The following SLC27A2 variants were observed in gnomAD, a reference collection of about 807,000 sequenced individuals.
SLC27A2 encodes the protein long-chain fatty acid transport protein 2.
SLC27A2 carries 54 observed loss-of-function variants against 60.0 expected under a neutral mutation model. That is an observed-to-expected ratio of 0.90 (90% CI 0.72 to 1.13). SLC27A2 has a LOEUF of 1.13. SLC27A2 is among the 50% of genes most tolerant of loss of function. The pLI is 0.00. For missense variants in SLC27A2, 739 were observed against 777.6 expected (o/e 0.95, Z 0.59); for synonymous variants, 297 against 297.6 (o/e 1.00, Z 0.02).
chr15:50,219,360 A>G (rs570418466), intron 4 of SLC27A2, among the ~76,000 whole-genome samples: 401 of 152,308 alleles, frequency 2.6e-3, no homozygotes, highest in Non-Finnish European at 4.9e-3. Context: ...TGTTCACTTA[A>G]GGGTCTTTCA....
intron 6 of SLC27A2, among the ~76,000 whole-genome samples, chr15:50,226,483 A>T (rs1209904445): frequency 6.6e-6 from 1 of 152,166 alleles, no homozygotes; most frequent in African/African-American, 2.4e-5. Flanking sequence ...TGTAATCCCA[A>T]CACTTTGGGA....
chr15:50,222,588 T>C (rs960853523), intron 4 of SLC27A2, among the ~76,000 whole-genome samples: 1 of 152,192 alleles, frequency 6.6e-6, no homozygotes, highest in Non-Finnish European at 1.5e-5. Flanking sequence ...ACCAGCCCCA[T>C]CAAGAAAACT....
intron 8 of SLC27A2, among the ~76,000 whole-genome samples, chr15:50,231,536 T>A (rs2045317050): frequency 6.6e-6 from 1 of 152,088 alleles, no homozygotes; most frequent in Admixed American, 6.5e-5. Context: ...CACACTGAAG[T>A]CTGAGAAGCA....
chr15:50,228,589 A>T (rs1326700206), intron 7 of SLC27A2, among the ~76,000 whole-genome samples: 1 of 152,056 alleles, frequency 6.6e-6, no homozygotes, highest in Non-Finnish European at 1.5e-5. Context: ...GTAGCAACTG[A>T]GTTAGTAAAT....
At chr15:50,219,523 TAA>T (rs11342659) in intron 4 of SLC27A2, among the ~76,000 whole-genome samples, 3 of 149,808 alleles carry the variant, frequency 2.0e-5, no homozygotes, top group South Asian at 2.1e-4. Context: ...TGCAGGGCTT[TAA>T]AAAAAAAATA....
intron 4 of SLC27A2, among the ~76,000 whole-genome samples, chr15:50,212,070 CAA>C (rs1171050015): frequency 8.2e-5 from 4 of 48,530 alleles, no homozygotes; most frequent in Non-Finnish European, 1.6e-4. Flanking sequence ...GACTCTGTCT[CAA>C]AAAAAAAAAA....
At chr15:50,207,555 A>T (rs1266821516) in intron 4 of SLC27A2, among the ~76,000 whole-genome samples, 2 of 152,018 alleles carry the variant, frequency 1.3e-5, no homozygotes, top group East Asian at 1.9e-4. Flanking sequence ...TTTGGGAGGT[A>T]GAGGCGGGCA....
At chr15:50,193,004 C>T (rs1466951105) in intron 1 of SLC27A2, among the ~76,000 whole-genome samples, 1 of 152,138 alleles carries the variant, frequency 6.6e-6, no homozygotes, top group Non-Finnish European at 1.5e-5. Context: ...CATCATCTAA[C>T]AGCTGGTCTC....
chr15:50,186,941 G>A (rs1161405548), intron 1 of SLC27A2, among the ~76,000 whole-genome samples: 1 of 152,182 alleles, frequency 6.6e-6, no homozygotes, highest in Non-Finnish European at 1.5e-5. Flanking sequence ...TTTCAGCCCA[G>A]GGCTTGTGGA....
chr15:50,222,266 G>A (rs2045248483), intron 4 of SLC27A2, among the ~76,000 whole-genome samples: 1 of 152,142 alleles, frequency 6.6e-6, no homozygotes, highest in Non-Finnish European at 1.5e-5. Context: ...CCATCCCACT[G>A]GGACAGTTTT....
At chr15:50,192,799 AAAG>A (rs1555500298) in intron 1 of SLC27A2, among the ~76,000 whole-genome samples, 3 of 151,488 alleles carry the variant, frequency 2.0e-5, no homozygotes, top group African/African-American at 7.3e-5. Context: ...AAAAAAAAAA[AAAG>A]AAGAAGAAGT....
At position 50,229,055 on chromosome 15, in the gene SLC27A2, T is replaced by C. The variant is rs1355476049; in HGVS notation, c.1555+13T>C. On this transcript the variant is annotated intron_variant, in intron 8 of 9. Coordinates refer to ENST00000267842, the MANE Select transcript of SLC27A2 (RefSeq NM_003645.4). Reference sequence around the variant, plus strand: ...GTGCATGTGCCAGGTATATACAAGATATGATCTGTACCTAACCCATAGAGT... The same window carrying C: ...GTGCATGTGCCAGGTATATACAAGACATGATCTGTACCTAACCCATAGAGT... 2.0e-6 allele frequency: 3 copies of C among 1,492,640 alleles called. No individual in the cohort carries two copies. The highest frequency in any genetic ancestry group is 2.7e-6 in the Non-Finnish European group (3 of 1,102,968). The allele number at this position is 1,492,640 out of a possible 1,614,324, so 92.5% of individuals were successfully genotyped here. A position where few individuals can be genotyped will look rare whatever the true frequency, so the allele number is the denominator to read the frequency against.
intron 1 of SLC27A2, 127 bp from the exon 2 acceptor site, chr15:50,197,373 A>G: frequency 1.6e-6 from 1 of 620,088 alleles, no homozygotes; most frequent in Non-Finnish European, 2.8e-6. Flanking sequence ...GATAAGCATC[A>G]TTTGTCATGC....
At chr15:50,192,016 C>T (rs752791857) in intron 1 of SLC27A2, among the ~76,000 whole-genome samples, 5 of 150,122 alleles carry the variant, frequency 3.3e-5, no homozygotes, top group African/African-American at 4.9e-5. Flanking sequence ...GTTGAGATCA[C>T]GCCATTGCAC....
intron 1 of SLC27A2, among the ~76,000 whole-genome samples, chr15:50,190,551 C>T (rs1043057465): frequency 6.6e-6 from 1 of 151,846 alleles, no homozygotes; most frequent in Non-Finnish European, 1.5e-5. Flanking sequence ...TTCAGCTCAC[C>T]ACCTACCCAA....
At chr15:50,188,982 A>ATAGATAG (rs2044949466) in intron 1 of SLC27A2, among the ~76,000 whole-genome samples, 1 of 135,422 alleles carries the variant, frequency 7.4e-6, no homozygotes, top group Non-Finnish European at 1.6e-5. Flanking sequence ...TAGATAGATA[A>ATAGATAG]ATAGATAGAT....
rs969096782 is a variant in SLC27A2, at chr15:50,197,866, A to T, written c.688+157A>T. On this transcript the variant is annotated intron_variant, in intron 2 of 9. Transcript: ENST00000267842. The stretch of plus-strand genomic sequence containing the variant: ...GCGGGAACTGATCTTATTTCATAGC[A>T]TGTGATCCCATTTGCGTTTCTCCAA... Among the ~76,000 whole-genome samples the T allele has an allele frequency of 3.9e-5, 6 of 152,202 alleles. No homozygotes were observed. The South Asian group carries it at 1.2e-3, about 31-fold the overall frequency.
At chr15:50,192,990 C>A (rs994009339) in intron 1 of SLC27A2, among the ~76,000 whole-genome samples, 1 of 152,084 alleles carries the variant, frequency 6.6e-6, no homozygotes, top group African/African-American at 2.4e-5. Context: ...ACAGTGTAGA[C>A]AAGCATCATC....
intron 7 of SLC27A2, 35 bp downstream of exon 7, chr15:50,227,213 C>A (rs772803866): frequency 1.9e-6 from 3 of 1,549,532 alleles, no homozygotes; most frequent in East Asian, 2.2e-5. Context: ...CAAAAACAAA[C>A]ACACGCACAG....
Sources: gnomAD v4.1 joint callset for allele counts (sites outside exome capture counted in the v4.1 genomes callset) on GRCh38, gnomAD v4.1.1 for gene constraint, MANE v1.5 for transcripts, NCBI Gene and HGNC (gene_info 2026-07-23, HGNC 2026-07-21) for gene names.